ADCY2: variants seen among roughly 807,000 people sequenced by gnomAD.
The protein encoded by ADCY2 is adenylate cyclase 2.
A neutral mutation model predicts 125.2 loss-of-function variants in ADCY2; 31 were observed. The observed-to-expected ratio is 0.25, with a 90% CI of 0.19 to 0.33. ADCY2 has a LOEUF of 0.33. Among genes scored for constraint, ADCY2 ranks in the 10% least tolerant of loss-of-function variants. The pLI, the probability that ADCY2 is intolerant of heterozygous loss-of-function variation, is 1.00. For synonymous variants in ADCY2, 512 were observed against 548.4 expected (o/e 0.93, Z 0.93); for missense variants, 904 against 1,418.2 (o/e 0.64, Z 5.82).
chr5:7,501,720 A>G (rs1267267817), intron 2 of ADCY2, among the ~76,000 whole-genome samples: 2 of 119,908 alleles, frequency 1.7e-5, no homozygotes, highest in Non-Finnish European at 3.2e-5. Context: ...GTGAGTGGGG[A>G]CTTTTGAAGA....
Position 7,743,195 on chromosome 5 carries a change from T to C in ADCY2, c.1872-473T>C, listed in dbSNP as rs77201260. 6.9e-3 allele frequency among the ~76,000 whole-genome samples: 1,043 copies of C among 152,154 alleles called. 5 individuals carry two copies. Among genetic ancestry groups the C allele is most frequent in the Non-Finnish European group, 0.011 (731 of 68,008 alleles). Reference sequence around the variant, plus strand: ...TATGTTGAACAAAATAGGTTGAATCTGGTTTCATGAGATTGGGGAGGGTGA... The same window carrying C: ...TATGTTGAACAAAATAGGTTGAATCCGGTTTCATGAGATTGGGGAGGGTGA... On this transcript the variant is annotated intron_variant, in intron 14 of 24. Transcript: ENST00000338316.
intron 3 of ADCY2, among the ~76,000 whole-genome samples, chr5:7,587,509 A>G (rs1382897276): frequency 6.6e-6 from 1 of 152,220 alleles, no homozygotes; most frequent in Non-Finnish European, 1.5e-5. Flanking sequence ...CTTCGTTCTC[A>G]ACGACCAGCC....
intron 5 of ADCY2, among the ~76,000 whole-genome samples, chr5:7,695,368 T>A (rs1461362160): frequency 6.6e-6 from 1 of 152,220 alleles, no homozygotes; most frequent in Non-Finnish European, 1.5e-5. Context: ...CAATACATCC[T>A]CCCAGCTAAA....
At chr5:7,774,789 A>C (rs1743668698) in intron 18 of ADCY2, among the ~76,000 whole-genome samples, 1 of 152,300 alleles carries the variant, frequency 6.6e-6, no homozygotes, top group Middle Eastern at 3.4e-3. Flanking sequence ...CTTCACTTCC[A>C]TCAGTAAAGC....
At chr5:7,714,929 G>C (rs1050805134) in intron 11 of ADCY2, among the ~76,000 whole-genome samples, 1 of 152,254 alleles carries the variant, frequency 6.6e-6, no homozygotes, top group Non-Finnish European at 1.5e-5. Flanking sequence ...CCTGGGGAAG[G>C]AGCCAGGGAG....
chr5:7,713,825 C>T (rs1308364571), intron 11 of ADCY2, among the ~76,000 whole-genome samples: 1 of 152,104 alleles, frequency 6.6e-6, no homozygotes, highest in Non-Finnish European at 1.5e-5. Context: ...TCTTTCTCCC[C>T]AGAGAGGTCA....
At chr5:7,590,750 A>G (rs1736826723) in intron 3 of ADCY2, among the ~76,000 whole-genome samples, 1 of 152,194 alleles carries the variant, frequency 6.6e-6, no homozygotes, top group African/African-American at 2.4e-5. Flanking sequence ...GTCAGCCCAC[A>G]GGAATCCATA....
intron 3 of ADCY2, among the ~76,000 whole-genome samples, chr5:7,590,877 A>C (rs1736831218): frequency 6.6e-6 from 1 of 152,158 alleles, no homozygotes; most frequent in South Asian, 2.1e-4. Context: ...CAAGACTCTT[A>C]TTATTTATTT....
At chr5:7,463,251 G>A (rs981942755) in intron 2 of ADCY2, among the ~76,000 whole-genome samples, 1 of 151,958 alleles carries the variant, frequency 6.6e-6, no homozygotes, top group Non-Finnish European at 1.5e-5. Flanking sequence ...AAATCTTCAT[G>A]CTATCATTGT....
intron 7 of ADCY2, among the ~76,000 whole-genome samples, chr5:7,704,924 A>T (rs917473005): frequency 2.0e-5 from 3 of 151,730 alleles, no homozygotes; most frequent in African/African-American, 4.8e-5. Flanking sequence ...ATTTGAACCC[A>T]TGGTCAACTC....
intron 3 of ADCY2, among the ~76,000 whole-genome samples, chr5:7,540,960 T>A (rs1313923279): frequency 6.6e-6 from 1 of 152,160 alleles, no homozygotes; most frequent in Non-Finnish European, 1.5e-5. Flanking sequence ...AGCCTCAGGT[T>A]TCACTCTCTC....
rs111273263 is a variant in ADCY2, at chr5:7,704,206, C to T, written c.1110-2538C>T. Among the ~76,000 whole-genome samples the T allele has an allele frequency of 7.1e-3, 1,086 of 152,056 alleles. 5 individuals are homozygous for T. Among genetic ancestry groups the T allele is most frequent in the Non-Finnish European group, 0.011 (765 of 67,992 alleles). On this transcript the variant is annotated intron_variant, in intron 7 of 24. Transcript: ENST00000338316. ...TCATTTTTTAAGCTGGTGAGGGGAA[C>T]GTGCACACCTGGCACTTGGGTTTTT...
intron 3 of ADCY2, among the ~76,000 whole-genome samples, chr5:7,551,426 T>C (rs1239679067): frequency 2.0e-5 from 3 of 152,194 alleles, no homozygotes; most frequent in East Asian, 1.9e-4. Context: ...CAAGTCTCCA[T>C]TGCAGGGAAG....
At chr5:7,528,373 G>A (rs965611635) in intron 3 of ADCY2, among the ~76,000 whole-genome samples, 24 of 151,912 alleles carry the variant, frequency 1.6e-4, no homozygotes, top group African/African-American at 5.1e-4. Context: ...ATACAAGAAA[G>A]TTAGAGACAT....
chr5:7,748,960 TGGAACCTTATAGTAGAAGCA>T (rs992989807), intron 15 of ADCY2, among the ~76,000 whole-genome samples: 2 of 152,126 alleles, frequency 1.3e-5, no homozygotes, highest in African/African-American at 4.8e-5. Flanking sequence ...AATCAAGCCT[TGGAACCTTATAGTAGAAGCA>T]GGTTGCAGAG....
chr5:7,448,343 G>A (rs778800243), intron 2 of ADCY2, among the ~76,000 whole-genome samples: 24 of 152,108 alleles, frequency 1.6e-4, no homozygotes, highest in African/African-American at 4.8e-4. Flanking sequence ...CTTTTCCCTC[G>A]TGCTCAGAGT....
intron 14 of ADCY2, among the ~76,000 whole-genome samples, chr5:7,730,009 T>C (rs1428102017): frequency 2.0e-5 from 3 of 152,080 alleles, no homozygotes; most frequent in African/African-American, 4.8e-5. Context: ...ACCCAATATG[T>C]AGTTGTTTAT....
At chr5:7,515,121 G>A (rs549136336) in intron 2 of ADCY2, among the ~76,000 whole-genome samples, 8 of 152,218 alleles carry the variant, frequency 5.3e-5, no homozygotes, top group African/African-American at 1.7e-4. Flanking sequence ...ACCTTTGTTC[G>A]GCTGCACAAT....
intron 3 of ADCY2, among the ~76,000 whole-genome samples, chr5:7,564,604 TA>T: frequency 6.6e-6 from 1 of 152,310 alleles, no homozygotes; most frequent in East Asian, 1.9e-4. Flanking sequence ...TGCATCAGCC[TA>T]CTTCTGCAAA....
Sources: allele counts gnomAD v4.1 joint callset (sites outside exome capture counted in the v4.1 genomes callset), GRCh38; gene constraint gnomAD v4.1.1; transcripts MANE v1.5; gene names NCBI Gene and HGNC (gene_info 2026-07-23, HGNC 2026-07-21).